Variants in CDC42 observed in about 807,000 individuals in gnomAD.
CDC42 encodes the protein cell division cycle 42.
A neutral mutation model predicts 20.8 loss-of-function variants in CDC42; 1 was observed. The observed-to-expected ratio is 0.05, with a 90% CI of 0.02 to 0.23. The LOEUF is 0.23. Ranked by LOEUF, CDC42 falls within the 10% of genes least tolerant of loss-of-function variation. The pLI, the probability that CDC42 is intolerant of heterozygous loss-of-function variation, is 1.00. For synonymous variants in CDC42, 72 were observed against 84.8 expected (o/e 0.85, Z 0.83); for missense variants, 49 against 227.9 (o/e 0.21, Z 5.05).
intron 3 of CDC42, among the ~76,000 whole-genome samples, chr1:22,083,762 C>T (rs1183378274): frequency 6.6e-6 from 1 of 152,024 alleles, no homozygotes; most frequent in East Asian, 1.9e-4. Flanking sequence ...ATTATTTGAC[C>T]ATATATGTGA....
At chr1:22,082,679 A>C (rs1391572618) in intron 3 of CDC42, among the ~76,000 whole-genome samples, 2 of 152,216 alleles carry the variant, frequency 1.3e-5, no homozygotes, top group Admixed American at 6.5e-5. Context: ...TACACTGTGT[A>C]CCACGAGGAA....
rs1325831140 is a variant in CDC42, at chr1:22,096,794, G to A, written c.*5277G>A. Among the ~76,000 whole-genome samples the A allele has an allele frequency of 6.6e-6, 1 of 152,270 alleles. No homozygotes were observed. The highest frequency in any genetic ancestry group is 1.5e-5 in the Non-Finnish European group (1 of 68,048). ...TTTATGAACGACTTGTAATAATTTA[G>A]TGATTTTATTTTCCAAAGCAAGGCA... On this transcript the variant is annotated 3_prime_UTR_variant, in exon 6 of 6. Coordinates refer to ENST00000656825, the MANE Select transcript of CDC42 (RefSeq NM_001791.4).
intron 1 of CDC42, among the ~76,000 whole-genome samples, chr1:22,056,585 A>G (rs1645306899): frequency 6.6e-6 from 1 of 152,116 alleles, no homozygotes; most frequent in Non-Finnish European, 1.5e-5. Flanking sequence ...TCAGTCCAAA[A>G]TATTTTTACT....
intron 5 of CDC42, among the ~76,000 whole-genome samples, 157 bp downstream of exon 5, chr1:22,087,023 C>CT (rs1645667900): frequency 6.6e-6 from 1 of 152,112 alleles, no homozygotes; most frequent in African/African-American, 2.4e-5. Context: ...TTAGAGGCCT[C>CT]TGTGTTTTTT....
chr1:22,081,002 C>T (rs1048871726), intron 2 of CDC42, among the ~76,000 whole-genome samples: 3 of 152,102 alleles, frequency 2.0e-5, no homozygotes, highest in African/African-American at 7.2e-5. Context: ...AACTCTGTCT[C>T]TACTAAAAAT....
In CDC42 at chr1:22,078,409, T is replaced by C; in HGVS notation, c.-50-20T>C. The C allele has an allele frequency of 8.5e-7, 1 of 1,181,786 alleles. No individual in the cohort carries two copies. The highest frequency in any genetic ancestry group is 1.2e-6 in the Non-Finnish European group (1 of 812,366). The allele number at this position is 1,181,786 out of a possible 1,614,324, so 73.2% of individuals were successfully genotyped here. On this transcript the variant is annotated intron_variant, in intron 1 of 5. Transcript: ENST00000656825. Reference sequence around the variant, plus strand: ...CCATATGTAAGTATAAATAAACAAATGTCTTTAATCTTTTTGCAGGTCATC... The same window carrying C: ...CCATATGTAAGTATAAATAAACAAACGTCTTTAATCTTTTTGCAGGTCATC...
At chr1:22,080,032 G>GGT (rs2124011749) in intron 2 of CDC42, among the ~76,000 whole-genome samples, 1 of 152,254 alleles carries the variant, frequency 6.6e-6, no homozygotes, top group South Asian at 2.1e-4. Flanking sequence ...AAATGGATTT[G>GGT]GTGTAGAATG....
chr1:22,075,863 A>C (rs969451384), intron 1 of CDC42, among the ~76,000 whole-genome samples: 2 of 152,344 alleles, frequency 1.3e-5, no homozygotes, highest in East Asian at 3.9e-4. Context: ...AGTTTGTAAC[A>C]AATTGCAGAG....
rs1285788144 is a variant in CDC42 at position 22,098,200 on chromosome 1, A to G, written c.*6683A>G. Among the ~76,000 whole-genome samples, 1 of 152,158 alleles carries G rather than the reference A, an allele frequency of 6.6e-6. No homozygotes were observed. Among genetic ancestry groups the G allele is most frequent in the Non-Finnish European group, 1.5e-5 (1 of 68,026 alleles). On this transcript the variant is annotated 3_prime_UTR_variant, in exon 6 of 6. Coordinates refer to ENST00000656825, the MANE Select transcript of CDC42 (RefSeq NM_001791.4). ...TTTTTATTTTGATGAAGTTTGCATT[A>G]TTACTCCTAACAACGTGCCCTTTGG...
intron 1 of CDC42, among the ~76,000 whole-genome samples, chr1:22,054,166 CTT>C (rs1239295877): frequency 6.6e-6 from 1 of 152,062 alleles, no homozygotes; most frequent in Non-Finnish European, 1.5e-5. Context: ...AAGCAAAAAA[CTT>C]AATATTTTCA....
At chr1:22,089,885 T>C (rs1397247402) in intron 5 of CDC42, 4 of 1,561,738 alleles carry the variant, frequency 2.6e-6, no homozygotes, top group Non-Finnish European at 2.6e-6. Context: ...TTGTACCTGC[T>C]AGTCTTTCTA....
chr1:22,054,913 ATATATATATTTTTTTTTTTTTTTTTTT>A (rs1557890119), intron 1 of CDC42, among the ~76,000 whole-genome samples: 47 of 14,584 alleles, frequency 3.2e-3, no homozygotes, highest in South Asian at 0.014. Context: ...ATATATATAT[ATATATATATTTTTTTTTTTTTTTTTTT>A]TTTTTTTTTT....
chr1:22,069,170 CTTTTTTTTTT>C (rs71724070), intron 1 of CDC42, among the ~76,000 whole-genome samples: 5 of 80,808 alleles, frequency 6.2e-5, no homozygotes, highest in African/African-American at 2.6e-4. Flanking sequence ...CATTTTATTC[CTTTTTTTTTT>C]TTTTTTTTTT....
Position 22,097,345 on chromosome 1 carries a change from A to G in CDC42, c.*5828A>G, listed in dbSNP as rs144876815. ...GATCTCGGCTTGCTGCAATCTCTGCAATTCTCATGCCTCAGCCTCCCAAGT... is the reference window on the plus strand; with the variant it reads ...GATCTCGGCTTGCTGCAATCTCTGCGATTCTCATGCCTCAGCCTCCCAAGT... On this transcript the variant is annotated 3_prime_UTR_variant, in exon 6 of 6. Coordinates refer to ENST00000656825, the MANE Select transcript of CDC42 (RefSeq NM_001791.4). Among the ~76,000 whole-genome samples the G allele has an allele frequency of 0.013, 1,980 of 152,208 alleles. 46 individuals carry two copies. Among genetic ancestry groups the G allele is most frequent in the African/African-American group, 0.041 (1,713 of 41,544 alleles).
chr1:22,078,397 TA>T, intron 1 of CDC42, 31 bp from the exon 2 acceptor site: 1 of 1,076,530 alleles, frequency 9.3e-7, no homozygotes, highest in Non-Finnish European at 1.4e-6. Flanking sequence ...TATGTAAGTA[TA>T]AATAAACAAA....
chr1:22,069,367 G>T (rs1645458714), intron 1 of CDC42, among the ~76,000 whole-genome samples: 1 of 151,808 alleles, frequency 6.6e-6, no homozygotes, highest in Non-Finnish European at 1.5e-5. Context: ...GTAGAGACTG[G>T]GTTTCACCAT....
intron 2 of CDC42, 90 bp downstream of exon 2, chr1:22,078,673 T>C (rs1645576489): frequency 6.5e-7 from 1 of 1,536,040 alleles, no homozygotes; most frequent in South Asian, 1.2e-5. Context: ...TGAATTTTTT[T>C]CTGTTGTCTG....
At chr1:22,062,648 C>T (rs983000624) in intron 1 of CDC42, among the ~76,000 whole-genome samples, 2 of 140,758 alleles carry the variant, frequency 1.4e-5, no homozygotes, top group African/African-American at 2.7e-5. Flanking sequence ...GTTTGGGAGA[C>T]CTAGGTGGGA....
chr1:22,073,912 A>G lies in CDC42; in HGVS notation c.-50-4517A>G, dbSNP rs150112515. Among the ~76,000 whole-genome samples, 1 of 151,998 alleles carries G rather than the reference A, an allele frequency of 6.6e-6. No individual in the cohort carries two copies. The highest frequency in any genetic ancestry group is 2.4e-5 in the African/African-American group (1 of 41,448). ...GCAATCTCCCCACCTTGTCCCCCCA[A>G]AGTGCTGGGATTACAGGTGTGAGCC... On this transcript the variant is annotated intron_variant, in intron 1 of 5. Transcript: ENST00000656825.
Sources: gnomAD v4.1 joint callset for allele counts (sites outside exome capture counted in the v4.1 genomes callset) on GRCh38, gnomAD v4.1.1 for gene constraint, MANE v1.5 for transcripts, NCBI Gene and HGNC (gene_info 2026-07-23, HGNC 2026-07-21) for gene names.